Variants in MAPRE3 observed in about 807,000 individuals in gnomAD.
The protein encoded by MAPRE3 is microtubule associated protein RP/EB family member 3, also known as microtubule-associated protein RP/EB family member 3.
MAPRE3 carries 2 observed loss-of-function variants against 30.5 expected under a neutral mutation model. The ratio of observed to expected loss-of-function variants is 0.07; its 90% confidence interval spans 0.03 to 0.21. MAPRE3 has a LOEUF of 0.21. MAPRE3 is among the 10% of genes least tolerant of loss of function. The probability of loss-of-function intolerance (pLI) is 1.00; values close to 1 mark genes in which losing one functional copy is unlikely to be tolerated. For missense variants in MAPRE3, 204 were observed against 351.8 expected, an observed-to-expected ratio of 0.58 and a Z score of 3.36; for synonymous variants, 110 against 127.7, an observed-to-expected ratio of 0.86 and a Z score of 0.93.
At chr2:26,996,433 G>A (rs892811355) in intron 1 of MAPRE3, among the ~76,000 whole-genome samples, 2 of 152,062 alleles carry the variant, frequency 1.3e-5, no homozygotes, top group African/African-American at 2.4e-5. Context: ...TGGGATTACA[G>A]GTGTGAGCCA....
chr2:27,022,261 C>T lies in MAPRE3; in HGVS notation c.43C>T (p.Leu15=), dbSNP rs1370590039. Residue 15 remains leucine, a synonymous_variant, in exon 2 of 7, where the codon CTG becomes TTG. Transcript: ENST00000233121. ...CTCCACATCTGTGACCAGTGAAAATCTGAGTCGCCATGATATGCTTGCATG... is the reference window on the plus strand; with the variant it reads ...CTCCACATCTGTGACCAGTGAAAATTTGAGTCGCCATGATATGCTTGCATG... ...VYSTSVTSEN[L]SRHDMLAWVN... 2.5e-6 allele frequency: 4 copies of T among 1,614,176 alleles called. No homozygotes were observed. The highest frequency in any genetic ancestry group is 3.4e-6 in the Non-Finnish European group (4 of 1,180,044).
At chr2:27,017,464 G>T (rs1326759586) in intron 1 of MAPRE3, among the ~76,000 whole-genome samples, 1 of 152,184 alleles carries the variant, frequency 6.6e-6, no homozygotes, top group Admixed American at 6.5e-5. Flanking sequence ...CGAAGGTATG[G>T]AAAATGCCCT....
At chr2:27,002,517 A>T (rs1215051593) in intron 1 of MAPRE3, among the ~76,000 whole-genome samples, 1 of 152,102 alleles carries the variant, frequency 6.6e-6, no homozygotes, top group Non-Finnish European at 1.5e-5. Context: ...GTACCCTCAA[A>T]ACCAGGTTTT....
At chr2:26,982,799 G>A (rs1185466413) in intron 1 of MAPRE3, among the ~76,000 whole-genome samples, 1 of 152,196 alleles carries the variant, frequency 6.6e-6, no homozygotes, top group Non-Finnish European at 1.5e-5. Flanking sequence ...ACAAATAATT[G>A]CAGAATGAAT....
intron 1 of MAPRE3, among the ~76,000 whole-genome samples, chr2:26,990,107 A>T (rs1232865951): frequency 6.6e-6 from 1 of 152,146 alleles, no homozygotes; most frequent in Non-Finnish European, 1.5e-5. Context: ...GGAGCCCAGG[A>T]GTGTGAGGCT....
chr2:27,025,464 G>A, intron 4 of MAPRE3, 119 bp from the exon 5 acceptor site: 1 of 1,023,196 alleles, frequency 9.8e-7, no homozygotes. Context: ...GTGGGGGCAG[G>A]GGGGTGAGAG....
intron 1 of MAPRE3, among the ~76,000 whole-genome samples, chr2:26,974,876 G>A (rs1665986835): frequency 6.6e-6 from 1 of 152,204 alleles, no homozygotes. Context: ...GCATAAAATA[G>A]CAAATAATGG....
intron 1 of MAPRE3, among the ~76,000 whole-genome samples, chr2:27,005,700 G>A (rs1666709234): frequency 6.6e-6 from 1 of 152,130 alleles, no homozygotes. Context: ...GCCTCATTGA[G>A]AACATGACAT....
chr2:26,971,012 C>CCCCCTCCCCTTCCCT (rs1665906086), intron 1 of MAPRE3, among the ~76,000 whole-genome samples: 1 of 151,738 alleles, frequency 6.6e-6, no homozygotes, highest in Non-Finnish European at 1.5e-5. Context: ...CCCAGCCACT[C>CCCCCTCCCCTTCCCT]CCCCTCCCCT....
chr2:26,984,612 T>C (rs1007568810), intron 1 of MAPRE3, among the ~76,000 whole-genome samples: 6 of 152,234 alleles, frequency 3.9e-5, no homozygotes, highest in African/African-American at 9.6e-5. Context: ...AATGTGTCCT[T>C]CTTCTGCATA....
chr2:27,025,455 T>C lies in MAPRE3; in HGVS notation c.470-128T>C, dbSNP rs910383265. The C allele has an allele frequency of 1.9e-5, 17 of 905,226 alleles. No homozygotes were observed. The African/African-American group carries it at 2.9e-4, about 15-fold the overall frequency. 56.1% of individuals were successfully genotyped at this position (905,226 alleles called of 1,614,324 possible). On this transcript the variant is annotated intron_variant, in intron 4 of 6. Transcript: ENST00000233121. ...CTAGCTGTAGATGCCCTTCCTGGGG[T>C]GGGGGCAGGGGGGTGAGAGTGCCTG...
At chr2:27,022,435 C>A in intron 2 of MAPRE3, 96 bp downstream of exon 2, 1 of 1,469,382 alleles carries the variant, frequency 6.8e-7, no homozygotes, top group Non-Finnish European at 9.3e-7. Flanking sequence ...TACAGTCATG[C>A]ATGGCTGAAT....
intron 1 of MAPRE3, among the ~76,000 whole-genome samples, chr2:27,017,340 A>T (rs762742767): frequency 6.6e-6 from 1 of 152,224 alleles, no homozygotes; most frequent in African/African-American, 2.4e-5. Flanking sequence ...CTGCTTCCCC[A>T]GAAGCCCCAT....
chr2:26,973,777 C>T (rs1050823033), intron 1 of MAPRE3, among the ~76,000 whole-genome samples: 1 of 151,732 alleles, frequency 6.6e-6, no homozygotes. Flanking sequence ...GGATGGTCTC[C>T]ATCTCCTGAC....
chr2:27,011,394 C>T (rs1216554259), intron 1 of MAPRE3, among the ~76,000 whole-genome samples: 1 of 152,134 alleles, frequency 6.6e-6, no homozygotes, highest in African/African-American at 2.4e-5. Flanking sequence ...TTTGTGGCGT[C>T]CCTTGTTATT....
At position 27,015,367 on chromosome 2, in the gene MAPRE3, C is replaced by T. The variant is rs1666960231; in HGVS notation, c.-7-6845C>T. ...ACTTTATAGATGAGGACACTGAGACCTAAAGTCAAGTCAGACAGCTAGGAC... is the reference window on the plus strand; with the variant it reads ...ACTTTATAGATGAGGACACTGAGACTTAAAGTCAAGTCAGACAGCTAGGAC... On this transcript the variant is annotated intron_variant, in intron 1 of 6. Transcript: ENST00000233121. This position sits in a 1 kb window ranked among gnomAD's most constrained non-coding sequence, Gnocchi z 4.0. 6.6e-6 allele frequency among the ~76,000 whole-genome samples: 1 copy of T among 152,198 alleles called. No individual in the cohort carries two copies. The highest frequency in any genetic ancestry group is 2.4e-5 in the African/African-American group (1 of 41,460).
intron 1 of MAPRE3, among the ~76,000 whole-genome samples, chr2:26,971,413 A>G (rs1218244202): frequency 6.6e-6 from 1 of 152,190 alleles, no homozygotes; most frequent in Admixed American, 6.5e-5. Context: ...GGAAGGGTTC[A>G]GCCCCATCGT....
At position 27,026,497 on chromosome 2, in the gene MAPRE3, G is replaced by A; in HGVS notation, c.*149G>A. On this transcript the variant is annotated 3_prime_UTR_variant, in exon 7 of 7. Transcript: ENST00000233121. ...GGAGCCAGGCGAGGGGGGCTTGGGGGCATGGGGCCGGAAAGCAGGCAGAAG... is the reference window on the plus strand; with the variant it reads ...GGAGCCAGGCGAGGGGGGCTTGGGGACATGGGGCCGGAAAGCAGGCAGAAG... 4.6e-6 allele frequency: 3 copies of A among 652,764 alleles called. No individual in the cohort carries two copies. The South Asian group carries it at 6.4e-5, about 14-fold the overall frequency. 40.4% of individuals were successfully genotyped at this position (652,764 alleles called of 1,614,324 possible).
rs1437719373 is a variant in MAPRE3, at chr2:27,026,720, C to G, written c.*372C>G. On this transcript the variant is annotated 3_prime_UTR_variant, in exon 7 of 7. Coordinates refer to ENST00000233121, the MANE Select transcript of MAPRE3 (RefSeq NM_012326.4). Reference sequence around the variant, plus strand: ...GGTATATTTTTACTTACTGGATTCTCCTTGCACTTTACCTGTTCTTTTCCA... The same window carrying G: ...GGTATATTTTTACTTACTGGATTCTGCTTGCACTTTACCTGTTCTTTTCCA... 2 of 205,740 alleles carry G rather than the reference C, an allele frequency of 9.7e-6. No homozygotes were observed. Among genetic ancestry groups the G allele is most frequent in the Non-Finnish European group, 1.9e-5 (2 of 103,778 alleles). The allele number at this position is 205,740 out of a possible 1,614,324, so 12.7% of individuals were successfully genotyped here.
Sources: gnomAD v4.1 joint callset for allele counts (sites outside exome capture counted in the v4.1 genomes callset) on GRCh38, gnomAD v4.1.1 for gene constraint, Gnocchi (gnomAD v3.1) non-coding constraint, MANE v1.5 for transcripts, NCBI Gene and HGNC (gene_info 2026-07-23, HGNC 2026-07-21) for gene names.